BRINP3: variants seen among roughly 807,000 people sequenced by gnomAD.
BRINP3 encodes BMP/retinoic acid-inducible neural-specific protein 3.
A neutral mutation model predicts 71.0 loss-of-function variants in BRINP3; 19 were observed. The ratio of observed to expected loss-of-function variants is 0.27; its 90% CI spans 0.19 to 0.39. The LOEUF is 0.39. Among genes scored for constraint, BRINP3 ranks in the 10% least tolerant of loss-of-function variants. BRINP3 has a pLI of 1.00. For synonymous variants in BRINP3, 380 were observed against 337.7 expected (o/e 1.13, Z -1.37); for missense variants, 959 against 940.8 (o/e 1.02, Z -0.25).
intron 2 of BRINP3, among the ~76,000 whole-genome samples, chr1:190,336,840 T>TTCCC (rs752098365): frequency 8.9e-6 from 1 of 112,560 alleles, no homozygotes; most frequent in Non-Finnish European, 1.7e-5. Context: ...CCCTCCCTCC[T>TTCCC]TCCTTCCTTC....
At chr1:190,439,532 C>CGT (rs563209401) in intron 2 of BRINP3, among the ~76,000 whole-genome samples, 13 of 150,998 alleles carry the variant, frequency 8.6e-5, no homozygotes, top group East Asian at 1.9e-4. Context: ...TGTAAGAGTA[C>CGT]GTGTGTGTGT....
At chr1:190,474,236 T>G (rs189592067) in intron 1 of BRINP3, among the ~76,000 whole-genome samples, 4 of 152,214 alleles carry the variant, frequency 2.6e-5, no homozygotes, top group Admixed American at 6.5e-5. Context: ...TTAATGCATG[T>G]TAAACATCTA....
chr1:190,128,685 C>T (rs188270042), intron 7 of BRINP3, among the ~76,000 whole-genome samples: 1 of 151,872 alleles, frequency 6.6e-6, no homozygotes, highest in African/African-American at 2.4e-5. Flanking sequence ...TTGATATTTG[C>T]TGTGATTTAC....
chr1:190,106,814 T>C (rs1478184278), intron 7 of BRINP3, among the ~76,000 whole-genome samples: 1 of 151,898 alleles, frequency 6.6e-6, no homozygotes, highest in Non-Finnish European at 1.5e-5. Flanking sequence ...ATATGTTTCA[T>C]GACCAATTTC....
intron 2 of BRINP3, 95 bp from the exon 3 acceptor site, chr1:190,281,845 G>A (rs1188021753): frequency 5.3e-6 from 6 of 1,135,028 alleles, no homozygotes; most frequent in South Asian, 4.9e-5. Context: ...ACATTACAAT[G>A]TCTCTTGCTT....
intron 2 of BRINP3, among the ~76,000 whole-genome samples, chr1:190,399,715 G>A (rs181121576): frequency 7.2e-5 from 11 of 152,022 alleles, no homozygotes; most frequent in African/African-American, 2.7e-4. Flanking sequence ...CTCTCTTACT[G>A]TAAATGGCCT....
intron 2 of BRINP3, among the ~76,000 whole-genome samples, chr1:190,304,630 T>C (rs542140410): frequency 6.6e-6 from 1 of 151,826 alleles, no homozygotes; most frequent in South Asian, 2.1e-4. Context: ...ACAAAATGGA[T>C]CAAAGATTTA....
At chr1:190,246,815 C>A (rs61819056) in intron 4 of BRINP3, among the ~76,000 whole-genome samples, 58,278 of 151,676 alleles carry the variant, frequency 0.38, 12,566 homozygotes, top group Non-Finnish European at 0.49. Flanking sequence ...CTACCAGCAG[C>A]CCTTTTCATC....
intron 2 of BRINP3, among the ~76,000 whole-genome samples, chr1:190,319,592 A>T (rs1346610260): frequency 1.3e-5 from 2 of 152,130 alleles, no homozygotes; most frequent in African/African-American, 4.8e-5. Flanking sequence ...GCTTCAAATC[A>T]TGGTGGAAGG....
chr1:190,192,717 A>G (rs1654147925), intron 6 of BRINP3, among the ~76,000 whole-genome samples: 1 of 152,068 alleles, frequency 6.6e-6, no homozygotes, highest in Admixed American at 6.6e-5. Context: ...ATGCAAGAAA[A>G]AAATATTAAA....
intron 2 of BRINP3, among the ~76,000 whole-genome samples, chr1:190,428,809 A>G (rs935837512): frequency 6.6e-6 from 1 of 152,120 alleles, no homozygotes; most frequent in African/African-American, 2.4e-5. Context: ...GTCAACTAAA[A>G]TAATACTAAT....
intron 6 of BRINP3, among the ~76,000 whole-genome samples, chr1:190,164,860 A>C (rs1458196120): frequency 6.6e-6 from 1 of 152,050 alleles, no homozygotes; most frequent in Non-Finnish European, 1.5e-5. Flanking sequence ...GGTATGACCT[A>C]CAGTGCCTGG....
intron 2 of BRINP3, among the ~76,000 whole-genome samples, chr1:190,349,005 A>T (rs1042592899): frequency 6.6e-6 from 1 of 152,152 alleles, no homozygotes; most frequent in African/African-American, 2.4e-5. Flanking sequence ...AGGAACTTAT[A>T]CATTGAGTTC....
chr1:190,274,768 T>A (rs1662405673), intron 3 of BRINP3, among the ~76,000 whole-genome samples: 1 of 151,644 alleles, frequency 6.6e-6, no homozygotes. Context: ...TGGTGAGATC[T>A]ATCTACTAAT....
intron 2 of BRINP3, among the ~76,000 whole-genome samples, chr1:190,412,458 T>A (rs1439119517): frequency 7.6e-6 from 1 of 132,364 alleles, no homozygotes; most frequent in Non-Finnish European, 1.6e-5. Context: ...TTTGTTTTGT[T>A]TTTTTTTGTT....
At chr1:190,168,838 C>A (rs1453094502) in intron 6 of BRINP3, among the ~76,000 whole-genome samples, 1 of 152,124 alleles carries the variant, frequency 6.6e-6, no homozygotes, top group Non-Finnish European at 1.5e-5. Flanking sequence ...GGTAGCTTTA[C>A]CATTGGCATG....
chr1:190,304,107 T>C (rs1664925285), intron 2 of BRINP3, among the ~76,000 whole-genome samples: 1 of 151,872 alleles, frequency 6.6e-6, no homozygotes, highest in African/African-American at 2.4e-5. Flanking sequence ...ACTCGTTTTA[T>C]GAACTTGAAG....
At chr1:190,258,938 T>C (rs1660921952) in intron 4 of BRINP3, among the ~76,000 whole-genome samples, 1 of 152,094 alleles carries the variant, frequency 6.6e-6, no homozygotes, top group Admixed American at 6.6e-5. Context: ...CCTTAAGTTC[T>C]TGAAACTGAA....
intron 7 of BRINP3, among the ~76,000 whole-genome samples, chr1:190,128,919 C>T (rs1654307385): frequency 1.3e-5 from 2 of 151,542 alleles, no homozygotes; most frequent in South Asian, 2.1e-4. Context: ...TATACCAATA[C>T]CGGTTCTACA....
Sources: gnomAD v4.1 joint callset for allele counts (sites outside exome capture counted in the v4.1 genomes callset) on GRCh38, gnomAD v4.1.1 for gene constraint, MANE v1.5 for transcripts, NCBI Gene and HGNC (gene_info 2026-07-23, HGNC 2026-07-21) for gene names.